The following FOXJ3 variants were observed in gnomAD, a reference collection of about 807,000 sequenced individuals.
FOXJ3 encodes forkhead box protein J3.
FOXJ3 carries 22 observed loss-of-function variants against 76.1 expected under a neutral mutation model. That is an observed-to-expected ratio of 0.29 (90% confidence interval 0.21 to 0.41). The LOEUF (loss-of-function observed/expected upper bound fraction) is 0.41. Ranked by LOEUF, FOXJ3 falls within the 10% of genes least tolerant of loss-of-function variation. The pLI, the probability that FOXJ3 is intolerant of heterozygous loss-of-function variation, is 1.00. For synonymous variants in FOXJ3, 269 were observed against 261.2 expected (o/e 1.03, Z -0.29); for missense variants, 613 against 762.1 (o/e 0.80, Z 2.30).
chr1:42,313,652 C>T (rs1486111510), intron 1 of FOXJ3, among the ~76,000 whole-genome samples: 1 of 152,130 alleles, frequency 6.6e-6, no homozygotes, highest in South Asian at 2.1e-4. Flanking sequence ...GTGTGGACTG[C>T]CCCTCGTCCT....
chr1:42,264,991 G>A, intron 4 of FOXJ3, 124 bp downstream of exon 4: 1 of 748,968 alleles, frequency 1.3e-6, no homozygotes, highest in Non-Finnish European at 2.4e-6. Flanking sequence ...AAGCTTTAGA[G>A]CAGGGTGGGG....
rs764496669 is a variant in FOXJ3, at chr1:42,185,418, T to C, written c.1645+3319A>G. On this transcript the variant is annotated intron_variant, in intron 11 of 12. Transcript: ENST00000361346. ...GACTACAGGCGCCTGCCACCACGCC[T>C]GGCTAATTTTTTTGTATTTTTTTAG... 4.0e-5 allele frequency among the ~76,000 whole-genome samples: 6 copies of C among 151,800 alleles called. No individual in the cohort carries two copies. The South Asian group carries it at 1.2e-3, about 32-fold the overall frequency.
intron 1 of FOXJ3, among the ~76,000 whole-genome samples, chr1:42,327,995 T>A (rs898671118): frequency 6.6e-6 from 1 of 152,032 alleles, no homozygotes; most frequent in Non-Finnish European, 1.5e-5. Flanking sequence ...CTGGAGAGAC[T>A]CTCTAAAAAT....
At chr1:42,262,110 C>T (rs193244928) in intron 4 of FOXJ3, among the ~76,000 whole-genome samples, 2 of 152,218 alleles carry the variant, frequency 1.3e-5, no homozygotes, top group Non-Finnish European at 2.9e-5. Context: ...AAACCAGAAG[C>T]TGCTGAAAGA....
chr1:42,201,333 GT>G (rs1473959003), intron 6 of FOXJ3, among the ~76,000 whole-genome samples: 1 of 152,180 alleles, frequency 6.6e-6, no homozygotes, highest in Non-Finnish European at 1.5e-5. Context: ...CAAAGAGAAA[GT>G]TTTCAGTATT....
chr1:42,294,684 C>T (rs1014445013), intron 2 of FOXJ3, among the ~76,000 whole-genome samples: 3 of 147,362 alleles, frequency 2.0e-5, no homozygotes, highest in African/African-American at 7.5e-5. Context: ...ACTGCTTGAA[C>T]CCGGGAGGCG....
intron 3 of FOXJ3, among the ~76,000 whole-genome samples, chr1:42,266,405 G>T (rs954392855): frequency 2.6e-5 from 4 of 152,044 alleles, no homozygotes; most frequent in African/African-American, 4.8e-5. Context: ...ACATCAGAGA[G>T]CTCAGGTTGC....
At chr1:42,239,312 T>C (rs1648944410) in intron 4 of FOXJ3, among the ~76,000 whole-genome samples, 1 of 152,214 alleles carries the variant, frequency 6.6e-6, no homozygotes, top group South Asian at 2.1e-4. Context: ...TGGTTGAATG[T>C]AAACATCCTT....
chr1:42,243,866 T>C (rs1193564132), intron 4 of FOXJ3, among the ~76,000 whole-genome samples: 1 of 152,194 alleles, frequency 6.6e-6, no homozygotes, highest in Non-Finnish European at 1.5e-5. Flanking sequence ...AGCTGCAGAA[T>C]ACCCGTTGTT....
intron 2 of FOXJ3, among the ~76,000 whole-genome samples, chr1:42,301,253 T>C (rs917645628): frequency 3.3e-5 from 5 of 152,162 alleles, no homozygotes; most frequent in Non-Finnish European, 7.4e-5. Flanking sequence ...TGGAGTACAG[T>C]GGCACCATCT....
intron 4 of FOXJ3, among the ~76,000 whole-genome samples, chr1:42,251,532 G>A (rs1316129733): frequency 6.6e-6 from 1 of 151,966 alleles, no homozygotes; most frequent in Admixed American, 6.6e-5. Flanking sequence ...TTTGTCAAAG[G>A]CCTTTTCTGC....
chr1:42,276,526 A>T (rs755171426), intron 3 of FOXJ3, among the ~76,000 whole-genome samples: 2 of 152,218 alleles, frequency 1.3e-5, no homozygotes, highest in Non-Finnish European at 2.9e-5. Flanking sequence ...ACACTAAGTC[A>T]AACAAAAGTA....
At chr1:42,186,533 A>C (rs1646439995) in intron 11 of FOXJ3, among the ~76,000 whole-genome samples, 1 of 152,116 alleles carries the variant, frequency 6.6e-6, no homozygotes, top group Middle Eastern at 3.2e-3. Flanking sequence ...AGATGACAGA[A>C]AAAATTAACA....
At chr1:42,296,951 ATTTG>A (rs962501289) in intron 2 of FOXJ3, among the ~76,000 whole-genome samples, 37 of 152,248 alleles carry the variant, frequency 2.4e-4, no homozygotes, top group African/African-American at 7.7e-4. Context: ...ATGTTTTGCC[ATTTG>A]TTTGTGTCAT....
intron 1 of FOXJ3, among the ~76,000 whole-genome samples, chr1:42,313,765 T>C (rs544038949): frequency 6.6e-6 from 1 of 152,260 alleles, no homozygotes; most frequent in South Asian, 2.1e-4. Flanking sequence ...AACCTGCCTC[T>C]GGGTCATGGT....
At chr1:42,206,761 T>C (rs1338487183) in intron 5 of FOXJ3, among the ~76,000 whole-genome samples, 1 of 152,198 alleles carries the variant, frequency 6.6e-6, no homozygotes, top group Admixed American at 6.5e-5. Context: ...TATTTCAAAA[T>C]ATACAATCAA....
intron 4 of FOXJ3, among the ~76,000 whole-genome samples, chr1:42,237,405 C>CATACATATATATATATAT (rs1256003745): frequency 1.4e-5 from 2 of 140,772 alleles, no homozygotes; most frequent in Non-Finnish European, 3.0e-5. Flanking sequence ...TACATACATA[C>CATACATATATATATATAT]ATATATATAT....
chr1:42,261,851 G>C (rs1184354133), intron 4 of FOXJ3, among the ~76,000 whole-genome samples: 1 of 152,076 alleles, frequency 6.6e-6, no homozygotes, highest in Non-Finnish European at 1.5e-5. Flanking sequence ...TCAAATGTCA[G>C]GAAACACTGT....
intron 4 of FOXJ3, among the ~76,000 whole-genome samples, chr1:42,251,960 GC>G (rs1557675028): frequency 2.0e-5 from 3 of 151,894 alleles, no homozygotes; most frequent in African/African-American, 7.3e-5. Flanking sequence ...CTCGTGATCC[GC>G]CCATCTCGGC....
Sources: gnomAD v4.1 joint callset for allele counts (sites outside exome capture counted in the v4.1 genomes callset) on GRCh38, gnomAD v4.1.1 for gene constraint, MANE v1.5 for transcripts, NCBI Gene and HGNC (gene_info 2026-07-23, HGNC 2026-07-21) for gene names.